The following AATF variants were observed in gnomAD, a reference collection of about 807,000 sequenced individuals.
The protein encoded by AATF is apoptosis antagonizing transcription factor, also known as protein AATF.
A neutral mutation model predicts 63.7 loss-of-function variants in AATF; 48 were observed. That is an observed-to-expected ratio of 0.75 (90% CI 0.60 to 0.96). AATF has a LOEUF of 0.96. Ranked by LOEUF, AATF falls within the 40% of genes least tolerant of loss-of-function variation. The pLI, the probability that AATF is intolerant of heterozygous loss-of-function variation, is 0.00. For missense variants in AATF, 639 were observed against 685.7 expected (o/e 0.93, Z 0.76); for synonymous variants, 258 against 247.7 (o/e 1.04, Z -0.39).
chr17:36,964,870 A>G (rs906718889), intron 4 of AATF, among the ~76,000 whole-genome samples: 1 of 149,970 alleles, frequency 6.7e-6, no homozygotes, highest in Non-Finnish European at 1.5e-5. Flanking sequence ...CTCTAGGAGT[A>G]GTGCACAGCT....
intron 4 of AATF, among the ~76,000 whole-genome samples, chr17:36,960,214 A>G (rs559891947): frequency 1.3e-5 from 2 of 152,256 alleles, no homozygotes; most frequent in South Asian, 4.1e-4. Flanking sequence ...AGGTTTCACC[A>G]TATTGGCCAG....
intron 10 of AATF, among the ~76,000 whole-genome samples, chr17:37,030,664 CTT>C: frequency 6.6e-6 from 1 of 152,070 alleles, no homozygotes; most frequent in African/African-American, 2.4e-5. Flanking sequence ...AGGAATCAAA[CTT>C]ACTGTGAATT....
chr17:36,961,742 C>T (rs548044058), intron 4 of AATF, among the ~76,000 whole-genome samples: 4 of 151,766 alleles, frequency 2.6e-5, no homozygotes, highest in East Asian at 3.9e-4. Context: ...GGCAGGATCT[C>T]GGCTCACTGC....
At chr17:37,047,801 G>A (rs1410977055) in intron 11 of AATF, among the ~76,000 whole-genome samples, 1 of 152,200 alleles carries the variant, frequency 6.6e-6, no homozygotes, top group African/African-American at 2.4e-5. Context: ...ACTGGTGGCT[G>A]GGTCCACTTG....
rs909047085 is a variant in AATF at position 37,021,819 on chromosome 17, AAAT to A, written c.1547+826_1547+828del. On this transcript the variant is annotated intron_variant, in intron 10 of 11. Coordinates refer to ENST00000619387, the MANE Select transcript of AATF (RefSeq NM_012138.4). ...GACTCCGTCTCAAAAAAAAAAAAAA[AAAT>A]AATAATAATAATAATAATAAATATA... 3.0e-3 allele frequency among the ~76,000 whole-genome samples: 289 copies of A among 96,388 alleles called. 11 individuals carry two copies. The highest frequency in any genetic ancestry group is 9.4e-3 in the Middle Eastern group (2 of 212). 63.2% of individuals were successfully genotyped at this position (96,388 alleles called of 152,430 possible).
chr17:36,968,675 A>G (rs2071015387), intron 4 of AATF, among the ~76,000 whole-genome samples: 1 of 150,650 alleles, frequency 6.6e-6, no homozygotes, highest in Non-Finnish European at 1.5e-5. Context: ...AGACCGGAGT[A>G]CAGTGGTGTG....
rs576342896 is a variant in AATF, at chr17:36,950,225, A to G, written c.103A>G (p.Arg35Gly). 3.1e-6 allele frequency: 5 copies of G among 1,613,608 alleles called. No individual in the cohort carries two copies. The African/African-American group carries it at 4.0e-5, about 13-fold the overall frequency. ...CTCTCCCCCGACAGCCACTGCTGCCAGGGTGATTGACAGGTTTGATGAAGG... is the reference window on the plus strand; with the variant it reads ...CTCTCCCCCGACAGCCACTGCTGCCGGGGTGATTGACAGGTTTGATGAAGG... ...EADPEEATAA[R>G]VIDRFDEGED... The change falls in exon 2 of 12, where the codon AGG becomes GGG. Residue 35 changes from arginine (R) to glycine (G), a missense_variant. Transcript: ENST00000619387.
chr17:36,957,397 ATCAC>A (rs2070910543), intron 4 of AATF, among the ~76,000 whole-genome samples: 1 of 152,252 alleles, frequency 6.6e-6, no homozygotes, highest in South Asian at 2.1e-4. Flanking sequence ...CATGTGAGCA[ATCAC>A]TCAATAGTTA....
chr17:36,987,544 CTT>C (rs2071178858), intron 5 of AATF, among the ~76,000 whole-genome samples: 1 of 152,022 alleles, frequency 6.6e-6, no homozygotes, highest in Non-Finnish European at 1.5e-5. Context: ...TCGAGCTTAT[CTT>C]TTGTTTCACT....
intron 11 of AATF, among the ~76,000 whole-genome samples, chr17:37,049,432 G>A (rs151031995): frequency 6.6e-6 from 1 of 152,076 alleles, no homozygotes; most frequent in African/African-American, 2.4e-5. Context: ...GAAACCCTGT[G>A]TGTACTAAAA....
intron 8 of AATF, among the ~76,000 whole-genome samples, chr17:36,991,559 G>GTATTCCTGA (rs2071214880): frequency 1.3e-5 from 2 of 150,496 alleles, no homozygotes; most frequent in African/African-American, 2.5e-5. Flanking sequence ...ATAACTTCCT[G>GTATTCCTGA]TATTCCTGAG....
intron 11 of AATF, among the ~76,000 whole-genome samples, chr17:37,036,163 G>A (rs17621163): frequency 0.15 from 23,336 of 152,090 alleles, 1,870 homozygotes; most frequent in Non-Finnish European, 0.16. Flanking sequence ...AGGCACCTCC[G>A]CTTATGGTTC....
At position 37,025,647 on chromosome 17, in the gene AATF, G is replaced by A. The variant is rs145679645; in HGVS notation, c.1547+4633G>A. ...TTCACATGAAATGCCTTTGGTTACTGAAGAGTTCCAGAAACTGCAAACTAA... is the reference window on the plus strand; with the variant it reads ...TTCACATGAAATGCCTTTGGTTACTAAAGAGTTCCAGAAACTGCAAACTAA... On this transcript the variant is annotated intron_variant, in intron 10 of 11. Coordinates refer to ENST00000619387, the MANE Select transcript of AATF (RefSeq NM_012138.4). 1.6e-3 allele frequency among the ~76,000 whole-genome samples: 245 copies of A among 152,308 alleles called. 1 individual carries two copies. Among genetic ancestry groups the A allele is most frequent in the East Asian group, 0.013 (67 of 5,186 alleles).
intron 4 of AATF, among the ~76,000 whole-genome samples, chr17:36,980,898 C>CT (rs1234706804): frequency 0.14 from 19,274 of 132,940 alleles, 1,433 homozygotes; most frequent in Non-Finnish European, 0.17. Context: ...CTTTGATAAA[C>CT]TTTTTTTTTT....
At chr17:36,963,789 G>C (rs1157356191) in intron 4 of AATF, among the ~76,000 whole-genome samples, 2 of 152,212 alleles carry the variant, frequency 1.3e-5, no homozygotes, top group East Asian at 1.9e-4. Context: ...TGGGGATTGA[G>C]AACTGACTTA....
At chr17:37,046,122 A>G (rs1260604376) in intron 11 of AATF, among the ~76,000 whole-genome samples, 1 of 152,054 alleles carries the variant, frequency 6.6e-6, no homozygotes, top group Non-Finnish European at 1.5e-5. Flanking sequence ...TTTGTCTTAC[A>G]GCTCACTGCC....
chr17:36,973,033 T>C (rs2071051529), intron 4 of AATF, among the ~76,000 whole-genome samples: 1 of 152,238 alleles, frequency 6.6e-6, no homozygotes, highest in Non-Finnish European at 1.5e-5. Flanking sequence ...CCGCAGGATC[T>C]GTGCATTATT....
intron 11 of AATF, among the ~76,000 whole-genome samples, chr17:37,053,469 G>T (rs2142332536): frequency 1.3e-5 from 2 of 152,188 alleles, no homozygotes; most frequent in South Asian, 4.1e-4. Context: ...TATGATAAGG[G>T]TGATTGATAA....
At chr17:37,045,975 A>C (rs1176165860) in intron 11 of AATF, 1 of 152,196 alleles carries the variant, frequency 6.6e-6, no homozygotes, top group Non-Finnish European at 1.5e-5. Flanking sequence ...GATACTATTA[A>C]AAACCAAAAA....
Sources: gnomAD v4.1 joint callset for allele counts (sites outside exome capture counted in the v4.1 genomes callset) on GRCh38, gnomAD v4.1.1 for gene constraint, MANE v1.5 for transcripts, NCBI Gene and HGNC (gene_info 2026-07-23, HGNC 2026-07-21) for gene names.